Variants in TAFA1 observed in about 807,000 individuals in gnomAD.
TAFA1 encodes TAFA chemokine like family member 1.
A neutral mutation model predicts 18.5 loss-of-function variants in TAFA1; 4 were observed. The ratio of observed to expected loss-of-function variants is 0.22; its 90% CI spans 0.11 to 0.49. The LOEUF (loss-of-function observed/expected upper bound fraction) is 0.49, where lower values mean the gene tolerates loss of function less well. Ranked by LOEUF, TAFA1 falls within the 20% of genes least tolerant of loss-of-function variation. The pLI, the probability that TAFA1 is intolerant of heterozygous loss-of-function variation, is 0.98. For synonymous variants in TAFA1, 56 were observed against 55.2 expected, an observed-to-expected ratio of 1.01 and a Z score of -0.06; for missense variants, 147 against 169.0, an observed-to-expected ratio of 0.87 and a Z score of 0.72.
chr3:68,246,546 T>C (rs1019875962), intron 2 of TAFA1, among the ~76,000 whole-genome samples: 2 of 122,082 alleles, frequency 1.6e-5, no homozygotes, highest in African/African-American at 6.2e-5. Flanking sequence ...GCCGAGATGG[T>C]GCCACCGCAC....
At chr3:68,026,775 GAA>G (rs1559707914) in intron 2 of TAFA1, among the ~76,000 whole-genome samples, 1 of 152,084 alleles carries the variant, frequency 6.6e-6, no homozygotes, top group Non-Finnish European at 1.5e-5. Context: ...CCTTGTTTCT[GAA>G]AAAGAGTACA....
intron 2 of TAFA1, among the ~76,000 whole-genome samples, chr3:68,410,375 A>T (rs1343443773): frequency 6.6e-6 from 1 of 152,110 alleles, no homozygotes; most frequent in East Asian, 1.9e-4. Flanking sequence ...AGCAGAGTAC[A>T]TTTAACACAT....
intron 2 of TAFA1, among the ~76,000 whole-genome samples, chr3:68,405,661 C>T (rs1043805371): frequency 8.1e-6 from 1 of 123,522 alleles, no homozygotes; most frequent in Non-Finnish European, 1.6e-5. Context: ...GATCATGCTA[C>T]TGCACTCCAA....
chr3:68,362,248 A>G (rs1483482214), intron 2 of TAFA1, among the ~76,000 whole-genome samples: 1 of 152,100 alleles, frequency 6.6e-6, no homozygotes, highest in Non-Finnish European at 1.5e-5. Flanking sequence ...AGGGACTGCA[A>G]GGTGTGTATT....
intron 2 of TAFA1, among the ~76,000 whole-genome samples, chr3:68,308,182 A>G (rs1213197931): frequency 6.6e-6 from 1 of 152,106 alleles, no homozygotes; most frequent in African/African-American, 2.4e-5. Flanking sequence ...AGGACCCCAG[A>G]AGGCTTTATA....
rs369614811 is a variant in TAFA1 at position 68,531,528 on chromosome 3, C to T, written c.260-7228C>T. Reference sequence around the variant, plus strand: ...GCTGTCCACATGTGTAGTGACCCGCCAGCACTTGGGAAGTTGTGCTCATGC... The same window carrying T: ...GCTGTCCACATGTGTAGTGACCCGCTAGCACTTGGGAAGTTGTGCTCATGC... On this transcript the variant is annotated intron_variant, in intron 3 of 4. Transcript: ENST00000478136. Among the ~76,000 whole-genome samples, 33 of 152,146 alleles carry T rather than the reference C, an allele frequency of 2.2e-4. 2 individuals are homozygous for T. In the South Asian group the frequency reaches 5.6e-3, roughly 26 times the overall value.
At chr3:68,248,846 CA>C (rs2067137128) in intron 2 of TAFA1, among the ~76,000 whole-genome samples, 1 of 151,988 alleles carries the variant, frequency 6.6e-6, no homozygotes, top group Admixed American at 6.6e-5. Flanking sequence ...ATGATGTTTG[CA>C]GGCAGTTGTA....
chr3:68,066,650 C>A (rs776993517), intron 2 of TAFA1, among the ~76,000 whole-genome samples: 7 of 152,100 alleles, frequency 4.6e-5, no homozygotes, highest in African/African-American at 7.2e-5. Context: ...AGTAGATTAG[C>A]CAAATATTTC....
intron 2 of TAFA1, among the ~76,000 whole-genome samples, chr3:68,343,068 G>A (rs2069110555): frequency 6.6e-6 from 1 of 152,092 alleles, no homozygotes; most frequent in African/African-American, 2.4e-5. Flanking sequence ...TGATTACCTG[G>A]GGAATTGGAT....
intron 2 of TAFA1, chr3:68,247,751 T>C (rs1169707827): frequency 6.6e-6 from 1 of 152,232 alleles, no homozygotes; most frequent in Non-Finnish European, 1.5e-5. Flanking sequence ...TTCATGACTC[T>C]GTTGCAGAAT....
chr3:68,286,294 A>G (rs1243016533), intron 2 of TAFA1, among the ~76,000 whole-genome samples: 1 of 152,060 alleles, frequency 6.6e-6, no homozygotes, highest in Non-Finnish European at 1.5e-5. Flanking sequence ...GTATTAGGTG[A>G]GCTGAGGGGT....
chr3:68,444,980 A>G (rs570141743), intron 3 of TAFA1, among the ~76,000 whole-genome samples: 6 of 152,024 alleles, frequency 3.9e-5, no homozygotes, highest in Non-Finnish European at 7.4e-5. Context: ...ATTAAATTAC[A>G]TATTTATTTA....
rs1369621533 is a variant in TAFA1 at position 68,287,732 on chromosome 3, C to T, written c.119-129548C>T. ...AGTGGATGTTTCCTGGCTTGCATTG[C>T]GCACTATATAAACTTCCAATTAGGG... On this transcript the variant is annotated intron_variant, in intron 2 of 4. Coordinates refer to ENST00000478136, the MANE Select transcript of TAFA1 (RefSeq NM_213609.4). 3.3e-5 allele frequency among the ~76,000 whole-genome samples: 5 copies of T among 152,096 alleles called. No homozygotes were observed. The East Asian group carries it at 5.8e-4, about 18-fold the overall frequency.
At chr3:68,421,065 A>G (rs897318361) in intron 3 of TAFA1, among the ~76,000 whole-genome samples, 2 of 152,176 alleles carry the variant, frequency 1.3e-5, no homozygotes, top group Admixed American at 1.3e-4. Flanking sequence ...TAGAAATAGA[A>G]TTGCCTTTAG....
At chr3:68,037,888 G>A (rs1336726831) in intron 2 of TAFA1, among the ~76,000 whole-genome samples, 1 of 152,122 alleles carries the variant, frequency 6.6e-6, no homozygotes, top group Non-Finnish European at 1.5e-5. Flanking sequence ...TTATGCAAGT[G>A]GGAATGCAAT....
chr3:68,175,951 G>A (rs2066119425), intron 2 of TAFA1, among the ~76,000 whole-genome samples: 1 of 152,084 alleles, frequency 6.6e-6, no homozygotes, highest in Admixed American at 6.5e-5. Flanking sequence ...TGTTTTTCTT[G>A]TGATAGTGAA....
intron 2 of TAFA1, among the ~76,000 whole-genome samples, chr3:68,015,437 C>CG (rs1253543114): frequency 1.3e-5 from 2 of 152,062 alleles, no homozygotes; most frequent in South Asian, 4.2e-4. Context: ...CAGGCACATG[C>CG]CACCATGCCC....
intron 2 of TAFA1, among the ~76,000 whole-genome samples, chr3:68,371,640 G>T (rs1036867834): frequency 2.6e-5 from 4 of 152,126 alleles, no homozygotes; most frequent in Non-Finnish European, 5.9e-5. Context: ...TGGGGATTTG[G>T]GTTGGTTCCA....
At chr3:68,429,163 T>C (rs981455064) in intron 3 of TAFA1, among the ~76,000 whole-genome samples, 3 of 151,874 alleles carry the variant, frequency 2.0e-5, no homozygotes, top group South Asian at 4.1e-4. Context: ...TGCCTTGTTC[T>C]CTTTTCTTTA....
Sources: allele counts gnomAD v4.1 joint callset (sites outside exome capture counted in the v4.1 genomes callset), GRCh38; gene constraint gnomAD v4.1.1; transcripts MANE v1.5; gene names NCBI Gene and HGNC (gene_info 2026-07-23, HGNC 2026-07-21).